The following SDK1 variants were observed in gnomAD, a reference collection of about 807,000 sequenced individuals.
SDK1 encodes protein sidekick-1.
A neutral mutation model predicts 245.5 loss-of-function variants in SDK1; 157 were observed. The observed-to-expected ratio is 0.64, with a 90% CI of 0.56 to 0.73. The LOEUF (loss-of-function observed/expected upper bound fraction) is 0.73. Among genes scored for constraint, SDK1 ranks in the 30% least tolerant of loss-of-function variants. The pLI, the probability that SDK1 is intolerant of heterozygous loss-of-function variation, is 0.00. For synonymous variants in SDK1, 1,647 were observed against 1,278.5 expected, an observed-to-expected ratio of 1.29 and a Z score of -6.15; for missense variants, 3,583 against 3,002.3, an observed-to-expected ratio of 1.19 and a Z score of -4.52.
At chr7:3,479,628 T>A (rs754755415) in intron 1 of SDK1, among the ~76,000 whole-genome samples, 3 of 150,938 alleles carry the variant, frequency 2.0e-5, no homozygotes, top group Non-Finnish European at 3.0e-5. Context: ...CTTTGGGAGG[T>A]CGAGGTGGGG....
intron 5 of SDK1, among the ~76,000 whole-genome samples, chr7:3,894,929 C>G (rs1221232119): frequency 6.6e-6 from 1 of 152,030 alleles, no homozygotes; most frequent in Non-Finnish European, 1.5e-5. Flanking sequence ...GATCTGCCTG[C>G]TTTGGCCTCC....
chr7:3,935,733 CAGAA>C (rs1780136334), intron 5 of SDK1, among the ~76,000 whole-genome samples: 1 of 152,210 alleles, frequency 6.6e-6, no homozygotes, highest in South Asian at 2.1e-4. Context: ...ACAACAAAAA[CAGAA>C]AGTAACAAGT....
At chr7:3,406,456 T>C (rs1451542621) in intron 1 of SDK1, among the ~76,000 whole-genome samples, 1 of 152,182 alleles carries the variant, frequency 6.6e-6, no homozygotes, top group Non-Finnish European at 1.5e-5. Context: ...TGGCTTGGCA[T>C]ATGATTGTCA....
intron 17 of SDK1, among the ~76,000 whole-genome samples, chr7:4,023,636 A>G (rs1787108349): frequency 1.3e-5 from 2 of 152,204 alleles, no homozygotes; most frequent in African/African-American, 2.4e-5. Context: ...TGCCCAGTAT[A>G]ATTAGAAACA....
intron 7 of SDK1, 34 bp from the exon 8 acceptor site, chr7:3,958,897 G>A: frequency 6.5e-7 from 1 of 1,548,400 alleles, no homozygotes; most frequent in South Asian, 1.1e-5. Flanking sequence ...TCCTTCTTTG[G>A]CTTAGGGGCT....
At chr7:4,193,372 T>TTA (rs10536828) in intron 35 of SDK1, among the ~76,000 whole-genome samples, 1,943 of 102,968 alleles carry the variant, frequency 0.019, 17 homozygotes, top group Middle Eastern at 0.04. Flanking sequence ...ATTAAAATAT[T>TTA]TATATATATA....
intron 20 of SDK1, among the ~76,000 whole-genome samples, chr7:4,075,779 C>T (rs531854084): frequency 2.6e-5 from 4 of 152,002 alleles, no homozygotes; most frequent in South Asian, 2.1e-4. Flanking sequence ...CTCAGCCTTC[C>T]GAGTAGCTAG....
chr7:4,075,237 C>T (rs569334120), intron 20 of SDK1, among the ~76,000 whole-genome samples: 5 of 152,142 alleles, frequency 3.3e-5, no homozygotes, highest in Non-Finnish European at 7.3e-5. Flanking sequence ...CTCCCCACTG[C>T]GTCCGCCCAC....
intron 1 of SDK1, among the ~76,000 whole-genome samples, chr7:3,522,676 C>CGG (rs1782981802): frequency 6.6e-6 from 1 of 152,072 alleles, no homozygotes; most frequent in Non-Finnish European, 1.5e-5. Flanking sequence ...CTGCCAGAGG[C>CGG]TGGGGGGATA....
chr7:3,571,634 C>G (rs1049237129), intron 1 of SDK1, among the ~76,000 whole-genome samples: 1 of 151,998 alleles, frequency 6.6e-6, no homozygotes, highest in Non-Finnish European at 1.5e-5. Flanking sequence ...ACAGTTTGTT[C>G]TAAGGGAATT....
At chr7:4,098,824 C>CTTTTTTTTTT (rs58678214) in intron 22 of SDK1, among the ~76,000 whole-genome samples, 1 of 82,852 alleles carries the variant, frequency 1.2e-5, no homozygotes, top group Non-Finnish European at 2.1e-5. Context: ...CCACAATGCC[C>CTTTTTTTTTT]TTTTTTTTTT....
chr7:4,113,363 A>AGTGC lies in SDK1; in HGVS notation c.3510_3511insTGCG (p.Ala1171CysfsTer18). 6.2e-7 allele frequency: 1 copy of AGTGC among 1,613,930 alleles called. No homozygotes were observed. The highest frequency in any genetic ancestry group is 8.5e-7 in the Non-Finnish European group (1 of 1,180,020). On this transcript the variant is annotated frameshift_variant, in exon 24 of 45. Coordinates refer to ENST00000404826, the MANE Select transcript of SDK1 (RefSeq NM_152744.4). LOFTEE classifies it high-confidence loss of function. ...TCTTCCCGGGTCATCCAGACCCTGC[A>AGTGC]GGCCCCACCCGACGTGGCTCCAACC...
intron 12 of SDK1, among the ~76,000 whole-genome samples, chr7:3,973,796 T>C (rs1458310460): frequency 6.6e-6 from 1 of 152,222 alleles, no homozygotes; most frequent in Non-Finnish European, 1.5e-5. Flanking sequence ...GCCCTGTTTG[T>C]AACCTCAGCA....
chr7:3,784,121 A>G (rs1583410189), intron 4 of SDK1, among the ~76,000 whole-genome samples: 1 of 145,034 alleles, frequency 6.9e-6, no homozygotes, highest in Non-Finnish European at 1.5e-5. Flanking sequence ...GGGTCTCCCT[A>G]TATTGCCCAG....
chr7:4,238,564 T>C (rs1187533200), intron 42 of SDK1, among the ~76,000 whole-genome samples: 4 of 147,420 alleles, frequency 2.7e-5, no homozygotes, highest in African/African-American at 5.0e-5. Flanking sequence ...TCCTGTCTCT[T>C]TTTTTTTTTT....
rs116295074 is a variant in SDK1, at chr7:3,460,174, T to C, written c.298+158290T>C. 5.4e-3 allele frequency among the ~76,000 whole-genome samples: 827 copies of C among 152,324 alleles called. 7 individuals carry two copies. Among genetic ancestry groups the C allele is most frequent in the African/African-American group, 0.019 (788 of 41,574 alleles). On this transcript the variant is annotated intron_variant, in intron 1 of 44. Coordinates refer to ENST00000404826, the MANE Select transcript of SDK1 (RefSeq NM_152744.4). ...AACATTTATCTTTTTGATGGGAAAATGCTTTCTAAATTTCCCTCAGCCAAG... is the reference window on the plus strand; with the variant it reads ...AACATTTATCTTTTTGATGGGAAAACGCTTTCTAAATTTCCCTCAGCCAAG...
chr7:3,537,249 AT>A (rs1393042589), intron 1 of SDK1, among the ~76,000 whole-genome samples: 1 of 152,208 alleles, frequency 6.6e-6, no homozygotes, highest in Non-Finnish European at 1.5e-5. Flanking sequence ...CTATCCCATT[AT>A]CCATTTGATC....
At chr7:4,083,234 G>C (rs951824146) in intron 22 of SDK1, among the ~76,000 whole-genome samples, 3 of 151,976 alleles carry the variant, frequency 2.0e-5, no homozygotes, top group Non-Finnish European at 4.4e-5. Flanking sequence ...CACCCTCAAA[G>C]GTGTCCTTGC....
intron 13 of SDK1, among the ~76,000 whole-genome samples, chr7:3,980,046 C>T (rs745747700): frequency 6.6e-6 from 1 of 152,100 alleles, no homozygotes. Context: ...ACTGTTTCCC[C>T]CAGAGTTATC....
Sources: allele counts gnomAD v4.1 joint callset (sites outside exome capture counted in the v4.1 genomes callset), GRCh38; gene constraint gnomAD v4.1.1; transcripts MANE v1.5; gene names NCBI Gene and HGNC (gene_info 2026-07-23, HGNC 2026-07-21).